The following FAM110B variants were observed in gnomAD, a reference collection of about 807,000 sequenced individuals.
FAM110B encodes protein FAM110B.
A neutral mutation model predicts 20.4 loss-of-function variants in FAM110B; 6 were observed. That is an observed-to-expected ratio of 0.29 (90% CI 0.16 to 0.58). The LOEUF is 0.58. Ranked by LOEUF, FAM110B falls within the 20% of genes least tolerant of loss-of-function variation. The pLI, the probability that FAM110B is intolerant of heterozygous loss-of-function variation, is 0.90. For missense variants in FAM110B, 434 were observed against 498.2 expected (o/e 0.87, Z 1.23); for synonymous variants, 226 against 214.1 (o/e 1.06, Z -0.49).
At chr8:57,997,709 A>G (rs940182114) in intron 1 of FAM110B, among the ~76,000 whole-genome samples, 16 of 152,200 alleles carry the variant, frequency 1.1e-4, no homozygotes, top group Admixed American at 2.0e-4. Flanking sequence ...CATCCAAGAA[A>G]AATACATTCA....
At chr8:58,137,196 C>T (rs1803638357) in intron 3 of FAM110B, among the ~76,000 whole-genome samples, 1 of 152,094 alleles carries the variant, frequency 6.6e-6, no homozygotes, top group Admixed American at 6.5e-5. Context: ...ATTCATTTAC[C>T]ATAAACCTTG....
At chr8:58,046,844 TTACTG>T (rs1205420423) in intron 2 of FAM110B, among the ~76,000 whole-genome samples, 5 of 152,210 alleles carry the variant, frequency 3.3e-5, no homozygotes, top group Non-Finnish European at 5.9e-5. Context: ...GGGTCACACT[TTACTG>T]TAGTGACTAT....
chr8:58,113,878 G>A lies in FAM110B; in HGVS notation c.-324-32029G>A, dbSNP rs1452154144. 3.3e-5 allele frequency among the ~76,000 whole-genome samples: 5 copies of A among 152,308 alleles called. No homozygotes were observed. In the South Asian group the frequency reaches 8.3e-4, roughly 25 times the overall value. ...CATGTCTTAGCTGAAACTTCATAAA[G>A]CAAGGAAAGAAGATAAATGGCAAAG... On this transcript the variant is annotated intron_variant, in intron 3 of 3. Coordinates refer to ENST00000519262, the MANE Select transcript of FAM110B (RefSeq NM_001377989.1).
At chr8:58,110,055 A>G (rs891804052) in intron 3 of FAM110B, among the ~76,000 whole-genome samples, 10 of 152,232 alleles carry the variant, frequency 6.6e-5, no homozygotes, top group Non-Finnish European at 1.5e-4. Context: ...AAGCTAAGAT[A>G]TGGGACACCA....
chr8:58,029,468 T>G (rs1804922220), intron 1 of FAM110B, among the ~76,000 whole-genome samples: 1 of 152,240 alleles, frequency 6.6e-6, no homozygotes, highest in Non-Finnish European at 1.5e-5. Flanking sequence ...CTTGATAACT[T>G]TTAACAGTGG....
At chr8:58,142,579 C>A (rs1289738727) in intron 3 of FAM110B, among the ~76,000 whole-genome samples, 1 of 151,806 alleles carries the variant, frequency 6.6e-6, no homozygotes, top group African/African-American at 2.4e-5. Flanking sequence ...ACCCCCAGGC[C>A]AGATTGCTTT....
chr8:58,040,526 A>G (rs1434975400), intron 2 of FAM110B, among the ~76,000 whole-genome samples: 2 of 152,138 alleles, frequency 1.3e-5, no homozygotes, highest in Admixed American at 6.5e-5. Context: ...AGGAAGAGAA[A>G]ATACTAACCC....
At chr8:58,105,264 G>A (rs1196026008) in intron 3 of FAM110B, among the ~76,000 whole-genome samples, 1 of 152,156 alleles carries the variant, frequency 6.6e-6, no homozygotes, top group Non-Finnish European at 1.5e-5. Flanking sequence ...GGTGCACTTG[G>A]CAAACAAGTT....
At chr8:58,050,521 G>A (rs180967122) in intron 2 of FAM110B, among the ~76,000 whole-genome samples, 26 of 152,298 alleles carry the variant, frequency 1.7e-4, no homozygotes, top group African/African-American at 6.0e-4. Flanking sequence ...CAGGGCTGAG[G>A]TCCGTGTTTC....
chr8:58,019,504 A>G (rs1804706210), intron 1 of FAM110B, among the ~76,000 whole-genome samples: 1 of 152,110 alleles, frequency 6.6e-6, no homozygotes, highest in Non-Finnish European at 1.5e-5. Flanking sequence ...CTTCAGCCTG[A>G]AGAACTTTCT....
chr8:58,119,751 C>G (rs1424966881), intron 3 of FAM110B, among the ~76,000 whole-genome samples: 1 of 152,186 alleles, frequency 6.6e-6, no homozygotes, highest in Non-Finnish European at 1.5e-5. Flanking sequence ...CCAGGCTGGC[C>G]TGTGGAAAGA....
At chr8:58,128,842 T>G (rs1807577643) in intron 3 of FAM110B, among the ~76,000 whole-genome samples, 1 of 152,212 alleles carries the variant, frequency 6.6e-6, no homozygotes. Flanking sequence ...ACAATAAGTT[T>G]TATATTTTTT....
intron 2 of FAM110B, among the ~76,000 whole-genome samples, chr8:58,073,182 C>T (rs956335459): frequency 6.6e-6 from 1 of 152,066 alleles, no homozygotes; most frequent in East Asian, 1.9e-4. Flanking sequence ...TAAGCTTTAT[C>T]GAGAGAAAAT....
intron 3 of FAM110B, among the ~76,000 whole-genome samples, chr8:58,076,672 C>T (rs1806045221): frequency 6.6e-6 from 1 of 152,094 alleles, no homozygotes; most frequent in Non-Finnish European, 1.5e-5. Flanking sequence ...CTCAATAACA[C>T]CAAATGAGGA....
intron 3 of FAM110B, among the ~76,000 whole-genome samples, chr8:58,091,140 C>A (rs1806467080): frequency 6.6e-6 from 1 of 152,156 alleles, no homozygotes; most frequent in African/African-American, 2.4e-5. Flanking sequence ...AATGTTAATG[C>A]CTCTCGAAAA....
chr8:58,102,260 A>G (rs1439883151), intron 3 of FAM110B, among the ~76,000 whole-genome samples: 1 of 152,204 alleles, frequency 6.6e-6, no homozygotes, highest in African/African-American at 2.4e-5. Flanking sequence ...GAACTTGGAA[A>G]AGCTAACACA....
chr8:58,011,715 A>G (rs1563496351), intron 1 of FAM110B, among the ~76,000 whole-genome samples: 1 of 152,112 alleles, frequency 6.6e-6, no homozygotes, highest in Non-Finnish European at 1.5e-5. Flanking sequence ...GCAAACCAAT[A>G]TTGCCAGTAG....
chr8:58,108,510 C>T (rs903517914), intron 3 of FAM110B, among the ~76,000 whole-genome samples: 1 of 152,190 alleles, frequency 6.6e-6, no homozygotes, highest in East Asian at 1.9e-4. Context: ...GTGAGGCTTC[C>T]TGGCATGTTC....
At chr8:58,144,292 T>C (rs1563385456) in intron 3 of FAM110B, among the ~76,000 whole-genome samples, 2 of 152,232 alleles carry the variant, frequency 1.3e-5, no homozygotes, top group Admixed American at 6.5e-5. Context: ...GAGTCTCTTC[T>C]GTAAAGAGGA....
Sources: allele counts gnomAD v4.1 joint callset (sites outside exome capture counted in the v4.1 genomes callset), GRCh38; gene constraint gnomAD v4.1.1; transcripts MANE v1.5; gene names NCBI Gene and HGNC (gene_info 2026-07-23, HGNC 2026-07-21).